HSPA12A: variants seen among roughly 807,000 people sequenced by gnomAD.
The protein encoded by HSPA12A is heat shock 70 kDa protein 12A.
A neutral mutation model predicts 69.2 loss-of-function variants in HSPA12A; 28 were observed. The ratio of observed to expected loss-of-function variants is 0.40; its 90% confidence interval spans 0.30 to 0.55. HSPA12A has a LOEUF of 0.55. Among genes scored for constraint, HSPA12A ranks in the 20% least tolerant of loss-of-function variants. The pLI, the probability that HSPA12A is intolerant of heterozygous loss-of-function variation, is 0.38. For missense variants in HSPA12A, 686 were observed against 900.7 expected (o/e 0.76, Z 3.05); for synonymous variants, 345 against 370.5 (o/e 0.93, Z 0.79).
At chr10:116,838,899 T>C (rs1316722195) in intron 1 of HSPA12A, among the ~76,000 whole-genome samples, 1 of 152,240 alleles carries the variant, frequency 6.6e-6, no homozygotes, top group Non-Finnish European at 1.5e-5. Context: ...TTCAGGTTTG[T>C]CAACTTATTT....
chr10:116,848,633 C>T (rs1206742992), intron 1 of HSPA12A, among the ~76,000 whole-genome samples: 1 of 152,160 alleles, frequency 6.6e-6, no homozygotes, highest in Non-Finnish European at 1.5e-5. Flanking sequence ...AGGACGCACA[C>T]TAAGTTCTGT....
At chr10:116,691,627 C>T (rs1849741340) in intron 6 of HSPA12A, among the ~76,000 whole-genome samples, 1 of 152,222 alleles carries the variant, frequency 6.6e-6, no homozygotes, top group Non-Finnish European at 1.5e-5. Context: ...CCAGCTCTGT[C>T]CTGTCCCTGG....
chr10:116,724,237 A>T (rs1468989463), intron 1 of HSPA12A, among the ~76,000 whole-genome samples: 4 of 152,250 alleles, frequency 2.6e-5, no homozygotes, highest in African/African-American at 7.2e-5. Flanking sequence ...CTTTGGGTTC[A>T]GAGACCAGAA....
chr10:116,724,178 A>G (rs1394519251), intron 1 of HSPA12A, among the ~76,000 whole-genome samples: 2 of 152,178 alleles, frequency 1.3e-5, no homozygotes, highest in Non-Finnish European at 2.9e-5. Context: ...CAGGGCCACA[A>G]GGGAGTGTCA....
At position 116,842,731 on chromosome 10, in the gene HSPA12A, T is replaced by A. The variant is rs555153315; in HGVS notation, c.3+6835A>T. On this transcript the variant is annotated intron_variant, in intron 1 of 12. Coordinates refer to the HSPA12A transcript ENST00000635765. ...GATTCTCCTGCCTCAGCCTCCCAAG[T>A]AGCTGGGATTACAGGCACCCACCAC... Among the ~76,000 whole-genome samples, 254 of 152,222 alleles carry A rather than the reference T, an allele frequency of 1.7e-3. 2 individuals are homozygous for A. The highest frequency in any genetic ancestry group is 5.9e-3 in the African/African-American group (246 of 41,548).
chr10:116,682,867 A>ATTTTTTTTTTTTTTTTTT (rs60393392), intron 7 of HSPA12A, among the ~76,000 whole-genome samples: 12 of 117,720 alleles, frequency 1.0e-4, no homozygotes, highest in African/African-American at 4.2e-4. Flanking sequence ...CGCCCGGCTA[A>ATTTTTTTTTTTTTTTTTT]TTTTTTTTTT....
rs1445908695 is a variant in HSPA12A at position 116,673,544 on chromosome 10, T to C, written c.*1237A>G. Reference sequence around the variant, plus strand: ...ATGTGGTATACACTACAAATGCAGATTCTGGTGCCCCTCTCCAAGAGTCGG... The same window carrying C: ...ATGTGGTATACACTACAAATGCAGACTCTGGTGCCCCTCTCCAAGAGTCGG... On this transcript the variant is annotated 3_prime_UTR_variant, in exon 12 of 12. Coordinates refer to ENST00000369209, the MANE Select transcript of HSPA12A (RefSeq NM_025015.3). The C allele has an allele frequency of 6.6e-6, 1 of 152,190 alleles. No individual in the cohort carries two copies. The highest frequency in any genetic ancestry group is 1.5e-5 in the Non-Finnish European group (1 of 68,036). 9.4% of individuals were successfully genotyped at this position (152,190 alleles called of 1,614,324 possible).
upstream of HSPA12A, chr10:116,742,575 G>T: frequency 8.8e-7 from 1 of 1,142,214 alleles, no homozygotes; most frequent in Non-Finnish European, 1.1e-6. Context: ...CTGAGCCGCC[G>T]GGCAGCGGGA....
rs1460029907 is a variant in HSPA12A at position 116,711,884 on chromosome 10, T to C, written c.41-4599A>G. The stretch of plus-strand genomic sequence containing the variant: ...TTTTATTTTTAGTAGAGACAGGATT[T>C]CACTGTGTTAGCCAGGATGGTCTCG... On this transcript the variant is annotated intron_variant, in intron 1 of 11. Coordinates refer to ENST00000369209, the MANE Select transcript of HSPA12A (RefSeq NM_025015.3). Among the ~76,000 whole-genome samples the C allele has an allele frequency of 3.9e-5, 6 of 152,116 alleles. No homozygotes were observed. In the East Asian group the frequency reaches 1.2e-3, roughly 29 times the overall value.
Position 116,674,035 on chromosome 10 carries a change from A to G in HSPA12A, c.*746T>C, listed in dbSNP as rs1849157028. The stretch of plus-strand genomic sequence containing the variant: ...CTGGGAATTTATGTCACAGCATATA[A>G]TTTGGGATACGTCAGTAACTCTTCA... On this transcript the variant is annotated 3_prime_UTR_variant, in exon 12 of 12. Transcript: ENST00000369209. The G allele has an allele frequency of 6.6e-6, 1 of 152,190 alleles. No homozygotes were observed. The highest frequency in any genetic ancestry group is 2.4e-5 in the African/African-American group (1 of 41,444). 9.4% of individuals were successfully genotyped at this position (152,190 alleles called of 1,614,324 possible).
chr10:116,822,553 A>G (rs565301260), intron 2 of HSPA12A, among the ~76,000 whole-genome samples: 16 of 152,320 alleles, frequency 1.1e-4, no homozygotes, highest in Non-Finnish European at 1.3e-4. Context: ...AGGGCATTTG[A>G]TAAGTTCAAT....
At chr10:116,695,773 G>A (rs1013751122) in intron 5 of HSPA12A, among the ~76,000 whole-genome samples, 22 of 150,802 alleles carry the variant, frequency 1.5e-4, no homozygotes, top group Non-Finnish European at 3.0e-4. Context: ...CCAAGATCAC[G>A]CCACTGCACT....
intron 2 of HSPA12A, among the ~76,000 whole-genome samples, chr10:116,789,722 G>A (rs977667359): frequency 2.0e-5 from 3 of 152,144 alleles, no homozygotes; most frequent in East Asian, 1.9e-4. Flanking sequence ...CTATCAACAC[G>A]TCGTAGAGTG....
At chr10:116,756,698 A>G (rs1843858973) in intron 2 of HSPA12A, among the ~76,000 whole-genome samples, 1 of 152,242 alleles carries the variant, frequency 6.6e-6, no homozygotes, top group Non-Finnish European at 1.5e-5. Context: ...ATAGATCTAC[A>G]TAGTGGGAGT....
intron 2 of HSPA12A, among the ~76,000 whole-genome samples, chr10:116,752,064 A>G (rs1331177600): frequency 6.6e-6 from 1 of 152,222 alleles, no homozygotes; most frequent in African/African-American, 2.4e-5. Flanking sequence ...ACCGACACGT[A>G]TGCTCACTTA....
Position 116,707,151 on chromosome 10 carries a change from G to GCACACACACA in HSPA12A, c.126+48_126+49insTGTGTGTGTG, listed in dbSNP as rs1491417541. 6 of 1,018,752 alleles carry GCACACACACA rather than the reference G, an allele frequency of 5.9e-6. 1 individual carries two copies. The highest frequency in any genetic ancestry group is 4.5e-5 in the East Asian group (1 of 22,230). 63.1% of individuals were successfully genotyped at this position (1,018,752 alleles called of 1,614,324 possible). On this transcript the variant is annotated intron_variant, in intron 2 of 11. Coordinates refer to ENST00000369209, the MANE Select transcript of HSPA12A (RefSeq NM_025015.3). ...CACGTGTGCTCATGCGCACCCATGC[G>GCACACACACA]CGCACACACACACACACACACACAC...
intron 2 of HSPA12A, among the ~76,000 whole-genome samples, chr10:116,812,299 A>G (rs920840913): frequency 6.6e-6 from 1 of 151,928 alleles, no homozygotes; most frequent in Non-Finnish European, 1.5e-5. Flanking sequence ...TTAAAAATAC[A>G]AAAATTAGCT....
At chr10:116,758,457 T>C (rs2133097687) in intron 2 of HSPA12A, among the ~76,000 whole-genome samples, 2 of 152,176 alleles carry the variant, frequency 1.3e-5, no homozygotes, top group Admixed American at 1.3e-4. Flanking sequence ...GGCCAGGAGG[T>C]GGCATGGCTG....
chr10:116,708,864 G>C (rs1469710439), intron 1 of HSPA12A, among the ~76,000 whole-genome samples: 1 of 152,202 alleles, frequency 6.6e-6, no homozygotes, highest in Admixed American at 6.5e-5. Context: ...GACTAGGATG[G>C]CTACAGTTTT....
Sources: gnomAD v4.1 joint callset for allele counts (sites outside exome capture counted in the v4.1 genomes callset) on GRCh38, gnomAD v4.1.1 for gene constraint, MANE v1.5 for transcripts, NCBI Gene and HGNC (gene_info 2026-07-23, HGNC 2026-07-21) for gene names.